The following GGT5 variants were observed in gnomAD, a reference collection of about 807,000 sequenced individuals.
GGT5 encodes the protein gamma-glutamyltransferase 5, also known as glutathione hydrolase 5 proenzyme.
Under a neutral mutation model 58.1 loss-of-function variants are expected in GGT5, and 50 were observed. The observed-to-expected ratio is 0.86, with a 90% CI of 0.69 to 1.09. The LOEUF (loss-of-function observed/expected upper bound fraction) is 1.09. Among genes scored for constraint, GGT5 ranks in the 50% least tolerant of loss-of-function variants. The probability of loss-of-function intolerance (pLI) is 0.00; values close to 1 mark genes in which losing one functional copy is unlikely to be tolerated. For synonymous variants in GGT5, 370 were observed against 346.1 expected, an observed-to-expected ratio of 1.07 and a Z score of -0.77; for missense variants, 800 against 789.4, an observed-to-expected ratio of 1.01 and a Z score of -0.16.
intron 2 of GGT5, 138 bp downstream of exon 2, chr22:24,233,736 G>T: frequency 1.1e-6 from 1 of 940,692 alleles, no homozygotes; most frequent in Non-Finnish European, 1.7e-6. Context: ...GCTTTGCACA[G>T]CTGAGGCAAA....
chr22:24,233,424 C>G, intron 3 of GGT5, 74 bp downstream of exon 3: 1 of 816,428 alleles, frequency 1.2e-6, no homozygotes, highest in South Asian at 1.7e-5. Context: ...TGAGGCGCTG[C>G]TCCTTTGCGG....
rs3966270 is a variant in GGT5, at chr22:24,239,390, C to T, written c.173+5163G>A. Among the ~76,000 whole-genome samples the T allele has an allele frequency of 1.4e-4, 21 of 151,390 alleles. No individual in the cohort carries two copies. In the East Asian group the frequency reaches 2.1e-3, roughly 15 times the overall value. On this transcript the variant is annotated intron_variant, in intron 1 of 11. Transcript: ENST00000327365. ...AAACGTGTGGGTAAATCTAAATGAA[C>T]GTTATTGGTATAAAATTATAGTAGT...
At chr22:24,229,559 C>T (rs1021128485) in intron 6 of GGT5, among the ~76,000 whole-genome samples, 6 of 150,294 alleles carry the variant, frequency 4.0e-5, no homozygotes, top group South Asian at 4.2e-4. Context: ...AGACCAGATG[C>T]GGTGGCTCAT....
chr22:24,230,638 A>T (rs943855294), intron 6 of GGT5, among the ~76,000 whole-genome samples: 1 of 152,152 alleles, frequency 6.6e-6, no homozygotes, highest in Non-Finnish European at 1.5e-5. Context: ...TAAACAAAAA[A>T]GTTATATAAT....
intron 2 of GGT5, 25 bp downstream of exon 2, chr22:24,233,849 C>T (rs910350688): frequency 2.5e-6 from 4 of 1,606,570 alleles, no homozygotes; most frequent in African/African-American, 2.7e-5. Context: ...CCATCTTCCC[C>T]ATGGCAGTTC....
At chr22:24,228,806 T>C (rs1415693782) in intron 6 of GGT5, among the ~76,000 whole-genome samples, 1 of 151,072 alleles carries the variant, frequency 6.6e-6, no homozygotes, top group Non-Finnish European at 1.5e-5. Flanking sequence ...AAAAATGATA[T>C]AATGGGCCAG....
At chr22:24,234,689 G>A (rs573156193) in intron 1 of GGT5, among the ~76,000 whole-genome samples, 18 of 152,042 alleles carry the variant, frequency 1.2e-4, no homozygotes, top group Non-Finnish European at 2.5e-4. Context: ...ATGTGATGGC[G>A]GGCACCTGTA....
In GGT5 at chr22:24,244,801, A is replaced by G; in HGVS notation, c.-76T>C. ...GGATGGGTGGGCAGATGAATGGACA[A>G]GAAGATGCACAGAGTCACAGGTAAT... On this transcript the variant is annotated 5_prime_UTR_variant, in exon 1 of 12. Transcript: ENST00000327365. 6.6e-7 allele frequency: 1 copy of G among 1,504,862 alleles called. No individual in the cohort carries two copies. The highest frequency in any genetic ancestry group is 1.4e-5 in the African/African-American group (1 of 72,296). The allele number at this position is 1,504,862 out of a possible 1,614,324, so 93.2% of individuals were successfully genotyped here.
intron 1 of GGT5, among the ~76,000 whole-genome samples, chr22:24,235,980 T>G (rs1052293068): frequency 6.6e-6 from 1 of 152,116 alleles, no homozygotes; most frequent in African/African-American, 2.4e-5. Flanking sequence ...TGGTCCATGG[T>G]CCTTGTGCAT....
chr22:24,232,472 TG>T (rs1342782119), intron 4 of GGT5, among the ~76,000 whole-genome samples: 2 of 152,006 alleles, frequency 1.3e-5, no homozygotes, highest in Non-Finnish European at 2.9e-5. Context: ...ATCTCACTCC[TG>T]GGAGGGCCTG....
intron 1 of GGT5, chr22:24,243,651 G>A (rs1469447066): frequency 6.6e-6 from 1 of 152,386 alleles, no homozygotes; most frequent in Non-Finnish European, 1.5e-5. Flanking sequence ...TGGGCCCAGT[G>A]GGAGGCAGGG....
chr22:24,234,089 A>G, intron 1 of GGT5, 85 bp from the exon 2 acceptor site: 1 of 1,370,558 alleles, frequency 7.3e-7, no homozygotes, highest in Admixed American at 2.2e-5. Context: ...TCATTGGAGA[A>G]TGGTGACGGA....
intron 1 of GGT5, among the ~76,000 whole-genome samples, chr22:24,238,514 G>A (rs1436129251): frequency 9.5e-5 from 14 of 146,598 alleles, no homozygotes; most frequent in African/African-American, 3.0e-4. Context: ...CAGCCTGGGC[G>A]ACACAGTGAG....
chr22:24,231,518 GTCA>G lies in GGT5; in HGVS notation c.764_766del (p.Leu255_Thr256delinsPro). Reference sequence around the variant, plus strand: ...CTGGAACTTGGCCAGGTCCTGCAGCGTCAGCTGGCTCCCTGGGATGAGAAGGAG... The same window carrying G: ...CTGGAACTTGGCCAGGTCCTGCAGCGGCTGGCTCCCTGGGATGAGAAGGAG... On this transcript the variant is annotated inframe_deletion, in exon 6 of 12. Transcript: ENST00000327365. 1 of 1,590,722 alleles carries G rather than the reference GTCA, an allele frequency of 6.3e-7. No individual in the cohort carries two copies. The highest frequency in any genetic ancestry group is 8.6e-7 in the Non-Finnish European group (1 of 1,168,640).
In GGT5 at chr22:24,222,219, A is replaced by G. The variant is rs555611155; in HGVS notation, c.1615-2103T>C. On this transcript the variant is annotated intron_variant, in intron 11 of 11. Coordinates refer to ENST00000327365, the MANE Select transcript of GGT5 (RefSeq NM_004121.5). ...AAAAAACAAAACAAAACAAAACAAA[A>G]AAAACTAATGGCCCGAGAACCTCAC... Among the ~76,000 whole-genome samples the G allele has an allele frequency of 7.9e-5, 12 of 152,122 alleles. No homozygotes were observed. In the East Asian group the frequency reaches 2.3e-3, roughly 29 times the overall value.
chr22:24,226,378 C>G, intron 7 of GGT5, 112 bp from the exon 8 acceptor site: 1 of 878,860 alleles, frequency 1.1e-6, no homozygotes. Context: ...TGTCCTCTAC[C>G]TTGTGGCCAG....
At chr22:24,222,248 G>A (rs2047611591) in intron 11 of GGT5, among the ~76,000 whole-genome samples, 1 of 152,072 alleles carries the variant, frequency 6.6e-6, no homozygotes, top group Non-Finnish European at 1.5e-5. Flanking sequence ...ACCTCACCCT[G>A]CAGGGCCTGA....
intron 1 of GGT5, 142 bp from the exon 2 acceptor site, chr22:24,234,146 C>T: frequency 1.4e-6 from 1 of 731,510 alleles, no homozygotes; most frequent in Non-Finnish European, 2.2e-6. Context: ...TTGCAGAACA[C>T]AACCAGGCTT....
rs372251413 is a variant in GGT5 at position 24,219,982 on chromosome 22, G to A, written c.1749C>T (p.Ala583=). The A allele has an allele frequency of 6.2e-6, 10 of 1,613,880 alleles. No individual in the cohort carries two copies. The highest frequency in any genetic ancestry group is 8.5e-6 in the Non-Finnish European group (10 of 1,179,950). Residue 583 remains alanine (A), a synonymous_variant, in exon 12 of 12, where the codon GCC becomes GCT. Coordinates refer to ENST00000327365, the MANE Select transcript of GGT5 (RefSeq NM_004121.5). ...AVSDLRKSGE[A]AGY is the part of the protein sequence containing the mutation. ...GCAGAGCAGTGTCTTAGTAGCCTGC[G>A]GCCTCCCCACTCTTCCTCAGGTCCG...
Sources: gnomAD v4.1 joint callset for allele counts (sites outside exome capture counted in the v4.1 genomes callset) on GRCh38, gnomAD v4.1.1 for gene constraint, MANE v1.5 for transcripts, NCBI Gene and HGNC (gene_info 2026-07-23, HGNC 2026-07-21) for gene names.